The following IPMK variants were observed in gnomAD, a reference collection of about 807,000 sequenced individuals.
IPMK encodes the protein inositol polyphosphate multikinase.
IPMK carries 17 observed loss-of-function variants against 45.8 expected under a neutral mutation model. The ratio of observed to expected loss-of-function variants is 0.37; its 90% CI spans 0.25 to 0.56. The LOEUF (loss-of-function observed/expected upper bound fraction) is 0.56, where lower values mean the gene tolerates loss of function less well. Among genes scored for constraint, IPMK ranks in the 20% least tolerant of loss-of-function variants. The probability of loss-of-function intolerance (pLI) is 0.79; values close to 1 mark genes in which losing one functional copy is unlikely to be tolerated. For missense variants in IPMK, 399 were observed against 498.0 expected (o/e 0.80, Z 1.89); for synonymous variants, 180 against 184.3 (o/e 0.98, Z 0.19).
chr10:58,252,868 T>TC (rs915547768), intron 1 of IPMK, among the ~76,000 whole-genome samples: 25 of 152,184 alleles, frequency 1.6e-4, no homozygotes, highest in African/African-American at 5.8e-4. Context: ...CACCTCGACC[T>TC]CCCATAGTGC....
chr10:58,256,073 A>T (rs1838963061), intron 1 of IPMK, among the ~76,000 whole-genome samples: 3 of 152,180 alleles, frequency 2.0e-5, no homozygotes, highest in Admixed American at 2.0e-4. Context: ...TTTGTAAAGC[A>T]TGTGTGTTTA....
rs1564544016 is a variant in IPMK, at chr10:58,267,611, TA to T, written c.-1del. The T allele has an allele frequency of 1.3e-6, 2 of 1,590,892 alleles. No homozygotes were observed. The highest frequency in any genetic ancestry group is 4.6e-5 in the East Asian group (2 of 43,884). The stretch of plus-strand genomic sequence containing the variant: ...AGGGGGGATGGTGGCTCTGTTGCCA[TA>T]ACGGAGAGCAGAAGCGGTAACGGCA... On this transcript the variant is annotated 5_prime_UTR_variant, in exon 1 of 6. Transcript: ENST00000373935.
intron 3 of IPMK, among the ~76,000 whole-genome samples, chr10:58,225,920 A>G (rs1347197751): frequency 1.3e-5 from 2 of 152,204 alleles, no homozygotes; most frequent in Admixed American, 1.3e-4. Context: ...CTTGTAAACT[A>G]ATTTAAGCAA....
intron 1 of IPMK, among the ~76,000 whole-genome samples, chr10:58,248,591 T>C (rs956833584): frequency 6.6e-6 from 1 of 152,238 alleles, no homozygotes; most frequent in Middle Eastern, 3.4e-3. Context: ...TTTTGAAATA[T>C]ACATTTTTGT....
intron 2 of IPMK, among the ~76,000 whole-genome samples, chr10:58,229,868 AGGGAAGCACAAGGAGTTG>A: frequency 6.6e-6 from 1 of 152,118 alleles, no homozygotes; most frequent in South Asian, 2.1e-4. Flanking sequence ...GTCCCTCACC[AGGGAAGCACAAGGAGTTG>A]GGGGATTTCC....
At chr10:58,240,853 T>C (rs1838686725) in intron 1 of IPMK, among the ~76,000 whole-genome samples, 1 of 151,880 alleles carries the variant, frequency 6.6e-6, no homozygotes, top group South Asian at 2.1e-4. Context: ...TTCCAGGCCG[T>C]CAAGAAAAAG....
chr10:58,250,442 T>C (rs1254293483), intron 1 of IPMK, among the ~76,000 whole-genome samples: 1 of 151,106 alleles, frequency 6.6e-6, no homozygotes, highest in Non-Finnish European at 1.5e-5. Context: ...TTGTTAACTA[T>C]TGTAAATGAG....
intron 4 of IPMK, among the ~76,000 whole-genome samples, chr10:58,200,137 G>T (rs534358384): frequency 1.3e-5 from 2 of 152,178 alleles, no homozygotes; most frequent in African/African-American, 4.8e-5. Context: ...GGTTGGGGGA[G>T]GGACGGAGTC....
At chr10:58,202,184 C>A (rs1011446729) in intron 4 of IPMK, among the ~76,000 whole-genome samples, 1 of 152,166 alleles carries the variant, frequency 6.6e-6, no homozygotes, top group Non-Finnish European at 1.5e-5. Flanking sequence ...CTACCCCAAA[C>A]CACAGATTCT....
chr10:58,229,905 G>T (rs1395974266), intron 2 of IPMK, among the ~76,000 whole-genome samples: 2 of 152,160 alleles, frequency 1.3e-5, no homozygotes, highest in Non-Finnish European at 2.9e-5. Context: ...CCCTTTCCTA[G>T]CCAAGGGAAG....
At chr10:58,216,704 G>T (rs1227737035) in intron 3 of IPMK, among the ~76,000 whole-genome samples, 1 of 152,088 alleles carries the variant, frequency 6.6e-6, no homozygotes, top group Non-Finnish European at 1.5e-5. Flanking sequence ...TTTAAAAATT[G>T]ATTCATTTAA....
At chr10:58,262,934 A>G (rs1328815119) in intron 1 of IPMK, among the ~76,000 whole-genome samples, 1 of 71,032 alleles carries the variant, frequency 1.4e-5, no homozygotes, top group African/African-American at 1.6e-4. Context: ...AATGGGGGGA[A>G]AAAATCACAA....
intron 1 of IPMK, among the ~76,000 whole-genome samples, chr10:58,259,733 A>T (rs1839033053): frequency 6.6e-6 from 1 of 150,592 alleles, no homozygotes; most frequent in Non-Finnish European, 1.5e-5. Context: ...CCGGCTACTC[A>T]GGAGGCTTCG....
chr10:58,251,500 T>C (rs1838879480), intron 1 of IPMK, among the ~76,000 whole-genome samples: 1 of 152,138 alleles, frequency 6.6e-6, no homozygotes, highest in African/African-American at 2.4e-5. Context: ...TTGGGTCCAT[T>C]TGGCTTACAG....
intron 3 of IPMK, among the ~76,000 whole-genome samples, chr10:58,223,349 A>G (rs1335006318): frequency 6.6e-6 from 1 of 152,180 alleles, no homozygotes; most frequent in Non-Finnish European, 1.5e-5. Context: ...AAAGAGGCAA[A>G]AAGAGCCCTA....
chr10:58,263,432 G>A lies in IPMK; in HGVS notation c.190+3990C>T, dbSNP rs909021584. Among the ~76,000 whole-genome samples, 7 of 152,046 alleles carry A rather than the reference G, an allele frequency of 4.6e-5. No individual in the cohort carries two copies. The South Asian group carries it at 1.2e-3, about 27-fold the overall frequency. ...CTAGCTACTTAAGAGGCTGAGGCAC[G>A]AGAATCACTTGAACCTGGGAGGCGG... On this transcript the variant is annotated intron_variant, in intron 1 of 5. Transcript: ENST00000373935.
At chr10:58,254,540 A>G (rs1350237355) in intron 1 of IPMK, among the ~76,000 whole-genome samples, 1 of 152,000 alleles carries the variant, frequency 6.6e-6, no homozygotes, top group Non-Finnish European at 1.5e-5. Context: ...GTAGATCTTC[A>G]ATTCTTCTAG....
At chr10:58,218,757 A>G (rs1205328784) in intron 3 of IPMK, among the ~76,000 whole-genome samples, 1 of 152,204 alleles carries the variant, frequency 6.6e-6, no homozygotes, top group African/African-American at 2.4e-5. Flanking sequence ...TTTTTATGAT[A>G]AGATAAAGAT....
At chr10:58,255,468 G>C (rs79158319) in intron 1 of IPMK, among the ~76,000 whole-genome samples, 1 of 152,046 alleles carries the variant, frequency 6.6e-6, no homozygotes, top group Non-Finnish European at 1.5e-5. Context: ...TATCAGTCAA[G>C]GTTTCTCTCA....
Sources: allele counts gnomAD v4.1 joint callset (sites outside exome capture counted in the v4.1 genomes callset), GRCh38; gene constraint gnomAD v4.1.1; transcripts MANE v1.5; gene names NCBI Gene and HGNC (gene_info 2026-07-23, HGNC 2026-07-21).